FMOD: variants seen among roughly 807,000 people sequenced by gnomAD.
FMOD encodes fibromodulin.
In FMOD, 15 loss-of-function variants were observed where a neutral mutation model predicts 27.0. The observed-to-expected ratio is 0.55, with a 90% CI of 0.37 to 0.85. The LOEUF (loss-of-function observed/expected upper bound fraction) is 0.85, where lower values mean the gene tolerates loss of function less well. FMOD is among the 40% of genes least tolerant of loss of function. The pLI, the probability that FMOD is intolerant of heterozygous loss-of-function variation, is 0.00. For synonymous variants in FMOD, 210 were observed against 214.0 expected, an observed-to-expected ratio of 0.98 and a Z score of 0.16; for missense variants, 460 against 483.2, an observed-to-expected ratio of 0.95 and a Z score of 0.45.
In FMOD at chr1:203,341,875, G is replaced by C. The variant is rs1367193710; in HGVS notation, c.*468C>G. ...GGTGAAGTGGATTTCAGAAGAGGCA[G>C]CTGGGCAAGAGGTATATTTTGAGAA... is the stretch of plus-strand genomic sequence containing the variant. On this transcript the variant is annotated 3_prime_UTR_variant, in exon 3 of 3. Transcript: ENST00000354955. 1.3e-5 allele frequency: 2 copies of C among 153,274 alleles called. No individual in the cohort carries two copies. Among genetic ancestry groups the C allele is most frequent in the African/African-American group, 4.8e-5 (2 of 41,490 alleles). 9.5% of individuals were successfully genotyped at this position (153,274 alleles called of 1,614,324 possible). A position where few individuals can be genotyped will look rare whatever the true frequency, so the allele number is the denominator to read the frequency against.
At chr1:203,349,267 A>G (rs1658951190) in intron 1 of FMOD, among the ~76,000 whole-genome samples, 1 of 152,250 alleles carries the variant, frequency 6.6e-6, no homozygotes, top group Non-Finnish European at 1.5e-5. Context: ...CTCAAGGGAA[A>G]GCAGCTTGAG....
chr1:203,342,072 G>T lies in FMOD; in HGVS notation c.*271C>A. 1 of 419,230 alleles carries T rather than the reference G, an allele frequency of 2.4e-6. No homozygotes were observed. The highest frequency in any genetic ancestry group is 4.1e-5 in the Admixed American group (1 of 24,590). The allele number at this position is 419,230 out of a possible 1,614,324, so 26.0% of individuals were successfully genotyped here. A position where few individuals can be genotyped will look rare whatever the true frequency, so the allele number is the denominator to read the frequency against. On this transcript the variant is annotated 3_prime_UTR_variant, in exon 3 of 3. Transcript: ENST00000354955. Reference sequence around the variant, plus strand: ...GATCATTGGGAAGAACTTAAGAGCCGTGAGATTTATGGGGTTGGAACATCC... The same window carrying T: ...GATCATTGGGAAGAACTTAAGAGCCTTGAGATTTATGGGGTTGGAACATCC...
At position 203,341,988 on chromosome 1, in the gene FMOD, G is replaced by T. The variant is rs1277661155; in HGVS notation, c.*355C>A. 5.1e-6 allele frequency: 1 copy of T among 194,772 alleles called. No individual in the cohort carries two copies. The highest frequency in any genetic ancestry group is 1.0e-5 in the Non-Finnish European group (1 of 95,900). 12.1% of individuals were successfully genotyped at this position (194,772 alleles called of 1,614,324 possible). ...TGCTGCTCACAGACAGCCAGGGATT[G>T]TTAGAAAAGTATGGTTATATACTAT... On this transcript the variant is annotated 3_prime_UTR_variant, in exon 3 of 3. Transcript: ENST00000354955.
chr1:203,348,296 A>G lies in FMOD; in HGVS notation c.-7-19T>C. The G allele has an allele frequency of 6.2e-7, 1 of 1,601,238 alleles. No individual in the cohort carries two copies. The highest frequency in any genetic ancestry group is 8.5e-7 in the Non-Finnish European group (1 of 1,173,760). On this transcript the variant is annotated intron_variant, in intron 1 of 2. Transcript: ENST00000354955. ...TTTGTCTCTGCAAGAAGCGGGAGAG[A>G]ACAGAGCAAGCCAGCATGAGTGAGA...
intron 2 of FMOD, 99 bp from the exon 3 acceptor site, chr1:203,342,593 G>T: frequency 8.0e-7 from 1 of 1,249,408 alleles, no homozygotes; most frequent in South Asian, 1.5e-5. Context: ...TAGATAAAGG[G>T]GTGGAAGTTG....
At position 203,342,193 on chromosome 1, in the gene FMOD, C is replaced by A. The variant is rs113444349; in HGVS notation, c.*150G>T. 12,103 of 957,538 alleles carry A rather than the reference C, an allele frequency of 0.013. 109 individuals are homozygous for A. The highest frequency in any genetic ancestry group is 0.022 in the Middle Eastern group (62 of 2,880). 59.3% of individuals were successfully genotyped at this position (957,538 alleles called of 1,614,324 possible). ...AGGCTGCCTGTCCCTGATCGCCCCC[C>A]CTAACCCCACCTACAGGAAAGAAGA... On this transcript the variant is annotated 3_prime_UTR_variant, in exon 3 of 3. Coordinates refer to ENST00000354955, the MANE Select transcript of FMOD (RefSeq NM_002023.5).
In FMOD at chr1:203,347,754, G is replaced by A. The variant is rs1300093648; in HGVS notation, c.517C>T (p.Pro173Ser). Residue 173 changes from proline (P) to serine (S), a missense_variant, in exon 2 of 3, where the codon CCC becomes TCC. Coordinates refer to ENST00000354955, the MANE Select transcript of FMOD (RefSeq NM_002023.5). Reference protein sequence around the residue: ...DHNNLTRMPGPLPRSLRELHL... With the variant: ...DHNNLTRMPGSLPRSLRELHL... ...AGCTCTCTCAGGGATCGAGGCAGGG[G>A]ACCGGGCATCCGGGTCAGGTTGTTG... 11 of 1,613,764 alleles carry A rather than the reference G, an allele frequency of 6.8e-6. No homozygotes were observed. Among genetic ancestry groups the A allele is most frequent in the Admixed American group, 3.3e-5 (2 of 59,998 alleles).
At chr1:203,346,221 G>A (rs1024617303) in intron 2 of FMOD, among the ~76,000 whole-genome samples, 33 of 152,066 alleles carry the variant, frequency 2.2e-4, no homozygotes, top group African/African-American at 7.5e-4. Context: ...TCTTCTCAGC[G>A]CTTTGATGGT....
chr1:203,342,514 A>C lies in FMOD; in HGVS notation c.980-20T>G, dbSNP rs1233260857. On this transcript the variant is annotated intron_variant, in intron 2 of 2. Coordinates refer to ENST00000354955, the MANE Select transcript of FMOD (RefSeq NM_002023.5). ...AGAACTCTGTGGGGACAAGAGGAGC[A>C]CGGGTCAGGGAGAGAAGCCCAGATT... 1.2e-6 allele frequency: 2 copies of C among 1,610,030 alleles called. No homozygotes were observed. The highest frequency in any genetic ancestry group is 2.2e-5 in the South Asian group (2 of 90,758).
chr1:203,349,880 G>A (rs1049273321), intron 1 of FMOD, among the ~76,000 whole-genome samples: 5 of 152,248 alleles, frequency 3.3e-5, no homozygotes, highest in African/African-American at 1.2e-4. Context: ...CTCATCCACA[G>A]GCAGCCTCAG....
chr1:203,343,489 G>A (rs1440128257), intron 2 of FMOD, among the ~76,000 whole-genome samples: 1 of 152,224 alleles, frequency 6.6e-6, no homozygotes, highest in African/African-American at 2.4e-5. Flanking sequence ...CATGGTGAAT[G>A]AGGCTTTCAG....
intron 2 of FMOD, among the ~76,000 whole-genome samples, chr1:203,343,999 T>G (rs1658843669): frequency 6.6e-6 from 1 of 152,152 alleles, no homozygotes; most frequent in African/African-American, 2.4e-5. Context: ...TAGCGGAAAC[T>G]GGGAAATACT....
intron 2 of FMOD, among the ~76,000 whole-genome samples, chr1:203,345,490 T>C (rs1658871606): frequency 6.6e-6 from 1 of 152,234 alleles, no homozygotes; most frequent in African/African-American, 2.4e-5. Context: ...ACGTGTGACA[T>C]TTCTGATGTG....
chr1:203,349,432 G>A (rs1658954161), intron 1 of FMOD, among the ~76,000 whole-genome samples: 3 of 152,308 alleles, frequency 2.0e-5, no homozygotes, highest in East Asian at 3.9e-4. Flanking sequence ...GCAGACTGAA[G>A]AGGAAATGTG....
At chr1:203,344,247 C>T (rs187597004) in intron 2 of FMOD, among the ~76,000 whole-genome samples, 219 of 152,228 alleles carry the variant, frequency 1.4e-3, no homozygotes, top group Middle Eastern at 6.8e-3. Context: ...CTGCAGGCTC[C>T]GTGATAGATT....
intron 2 of FMOD, 110 bp from the exon 3 acceptor site, chr1:203,342,604 G>A: frequency 1.8e-6 from 2 of 1,107,116 alleles, no homozygotes; most frequent in Middle Eastern, 2.1e-4. Context: ...GTGGAAGTTG[G>A]GGATGGAGGG....
At position 203,340,898 on chromosome 1, in the gene FMOD, A is replaced by C. The variant is rs933731546; in HGVS notation, c.*1445T>G. 1 of 152,278 alleles carries C rather than the reference A, an allele frequency of 6.6e-6. No individual in the cohort carries two copies. Among genetic ancestry groups the C allele is most frequent in the African/African-American group, 2.4e-5 (1 of 41,458 alleles). 9.4% of individuals were successfully genotyped at this position (152,278 alleles called of 1,614,324 possible). A position where few individuals can be genotyped will look rare whatever the true frequency, so the allele number is the denominator to read the frequency against. On this transcript the variant is annotated 3_prime_UTR_variant, in exon 3 of 3. Transcript: ENST00000354955. Reference sequence around the variant, plus strand: ...GGTGCTTCAAAGCATACACAGTATCAGGGATGTGATGGCATCTGGGCAGAG... The same window carrying C: ...GGTGCTTCAAAGCATACACAGTATCCGGGATGTGATGGCATCTGGGCAGAG...
At chr1:203,343,696 A>T (rs1658838988) in intron 2 of FMOD, among the ~76,000 whole-genome samples, 1 of 152,208 alleles carries the variant, frequency 6.6e-6, no homozygotes, top group Non-Finnish European at 1.5e-5. Flanking sequence ...GTCTGGGGCC[A>T]GGCACGAGGA....
In FMOD at chr1:203,347,419, G is replaced by C. The variant is rs1020683473; in HGVS notation, c.852C>G (p.Gly284=). 3.7e-6 allele frequency: 6 copies of C among 1,614,084 alleles called. No homozygotes were observed. The highest frequency in any genetic ancestry group is 5.1e-6 in the Non-Finnish European group (6 of 1,180,046). The change falls in exon 2 of 3, where the codon GGC becomes GGG. Residue 284 remains glycine (G), a synonymous_variant. Coordinates refer to ENST00000354955, the MANE Select transcript of FMOD (RefSeq NM_002023.5). ...RLSHNSLTNN[G]LASNTFNSSS... ...TGGAATTGAAGGTGTTGGAGGCCAG[G>C]CCATTGTTGGTTAGACTGTTGTGGG... is the stretch of plus-strand genomic sequence containing the variant.
Sources: gnomAD v4.1 joint callset for allele counts (sites outside exome capture counted in the v4.1 genomes callset) on GRCh38, gnomAD v4.1.1 for gene constraint, MANE v1.5 for transcripts, NCBI Gene and HGNC (gene_info 2026-07-23, HGNC 2026-07-21) for gene names.